Variants in ABCD2 observed in about 807,000 individuals in gnomAD.
ABCD2 encodes the protein ATP binding cassette subfamily D member 2, also known as ATP-binding cassette sub-family D member 2.
In ABCD2, 36 loss-of-function variants were observed where a neutral mutation model predicts 70.9. The ratio of observed to expected loss-of-function variants is 0.51; its 90% CI spans 0.39 to 0.67. ABCD2 has a LOEUF of 0.67. Among genes scored for constraint, ABCD2 ranks in the 30% least tolerant of loss-of-function variants. The pLI, the probability that ABCD2 is intolerant of heterozygous loss-of-function variation, is 0.00. For synonymous variants in ABCD2, 304 were observed against 306.9 expected, an observed-to-expected ratio of 0.99 and a Z score of 0.10; for missense variants, 729 against 890.2, an observed-to-expected ratio of 0.82 and a Z score of 2.30.
chr12:39,555,161 A>G (rs1237753066), intron 9 of ABCD2, among the ~76,000 whole-genome samples: 1 of 152,090 alleles, frequency 6.6e-6, no homozygotes, highest in Non-Finnish European at 1.5e-5. Flanking sequence ...TTCAACCCCA[A>G]AAGAAACCCA....
intron 6 of ABCD2, among the ~76,000 whole-genome samples, chr12:39,590,756 A>T (rs1445827890): frequency 1.4e-5 from 2 of 145,558 alleles, no homozygotes; most frequent in Non-Finnish European, 3.0e-5. Flanking sequence ...TCTGACAGTG[A>T]TTTTTTTTTT....
intron 5 of ABCD2, 40 bp downstream of exon 5, chr12:39,603,872 G>T: frequency 1.4e-6 from 2 of 1,430,782 alleles, no homozygotes; most frequent in Non-Finnish European, 2.0e-6. Flanking sequence ...TTGTATTAGT[G>T]TGATGGCAAC....
chr12:39,553,940 G>T lies in ABCD2; in HGVS notation c.2195C>A (p.Thr732Lys), dbSNP rs1314018240. The T allele has an allele frequency of 1.2e-6, 2 of 1,610,834 alleles. No individual in the cohort carries two copies. Among genetic ancestry groups the T allele is most frequent in the South Asian group, 2.2e-5 (2 of 90,660 alleles). ...AGATGTCTCATCTTCATTTTTAATT[G>T]TTTTCAGCACTGAGTCTTCTCCCAA... is the stretch of plus-strand genomic sequence containing the variant. ...KILGEDSVLK[T>K]IKNEDETS The change falls in exon 10 of 10, where the codon ACA (threonine) becomes AAA (lysine). Residue 732 changes from threonine to lysine, a missense_variant. By Grantham distance (78) the Thr-to-Lys change is moderately conservative (BLOSUM62 -1). Transcript: ENST00000308666.
At chr12:39,540,347 A>G in the ABCD2 span, among the ~76,000 whole-genome samples, 3 of 152,146 alleles carry the variant, frequency 2.0e-5, no homozygotes, top group Admixed American at 6.6e-5. Context: ...TTCTCATCAG[A>G]TGGGTTTTAT....
intron 2 of ABCD2, among the ~76,000 whole-genome samples, chr12:39,609,836 C>A (rs576631503): frequency 6.6e-6 from 1 of 152,060 alleles, no homozygotes; most frequent in African/African-American, 2.4e-5. Flanking sequence ...TAAAATTCAC[C>A]CAGCATGTAT....
In ABCD2 at chr12:39,552,046, C is replaced by T. The variant is rs928941031; in HGVS notation, c.*1866G>A. 6.6e-6 allele frequency: 1 copy of T among 151,526 alleles called. No homozygotes were observed. Among genetic ancestry groups the T allele is most frequent in the Non-Finnish European group, 1.5e-5 (1 of 67,714 alleles). 9.4% of individuals were successfully genotyped at this position (151,526 alleles called of 1,614,324 possible). A position where few individuals can be genotyped will look rare whatever the true frequency, so the allele number is the denominator to read the frequency against. On this transcript the variant is annotated 3_prime_UTR_variant, in exon 10 of 10. Transcript: ENST00000308666. ...AGCAAGTTTAAGTTTTGGTTCCATGCTTCTTAAAAAAAAATCTTTAATTCC... is the reference window on the plus strand; with the variant it reads ...AGCAAGTTTAAGTTTTGGTTCCATGTTTCTTAAAAAAAAATCTTTAATTCC...
At chr12:39,573,639 G>T in intron 9 of ABCD2, 77 bp downstream of exon 9, 1 of 1,529,838 alleles carries the variant, frequency 6.5e-7, no homozygotes, top group South Asian at 1.3e-5. Context: ...CCTCTACTGT[G>T]AAAAATTTAG....
At chr12:39,579,682 C>T in intron 7 of ABCD2, 63 bp from the exon 8 acceptor site, 3 of 1,286,268 alleles carry the variant, frequency 2.3e-6, no homozygotes, top group Middle Eastern at 1.9e-4. Flanking sequence ...CTATTTCTAC[C>T]CTAGACAAGT....
chr12:39,563,313 C>G (rs935081148), intron 9 of ABCD2, among the ~76,000 whole-genome samples: 2 of 152,016 alleles, frequency 1.3e-5, no homozygotes, highest in Non-Finnish European at 2.9e-5. Flanking sequence ...ATCACTTGAT[C>G]CTAGGGGTTT....
chr12:39,618,171 C>T (rs1942142613), intron 1 of ABCD2, among the ~76,000 whole-genome samples: 1 of 151,964 alleles, frequency 6.6e-6, no homozygotes, highest in African/African-American at 2.4e-5. Flanking sequence ...GGGGATGCTC[C>T]ATATTGATCA....
chr12:39,564,198 G>A (rs374756568), intron 9 of ABCD2, among the ~76,000 whole-genome samples: 3 of 152,114 alleles, frequency 2.0e-5, no homozygotes, highest in South Asian at 2.1e-4. Context: ...CTGAGGAATC[G>A]CCACACTGAC....
intron 3 of ABCD2, among the ~76,000 whole-genome samples, chr12:39,606,181 C>G (rs1293261438): frequency 6.6e-6 from 1 of 152,052 alleles, no homozygotes; most frequent in Non-Finnish European, 1.5e-5. Flanking sequence ...GTCAGTGGAT[C>G]AGGATGGAAT....
At chr12:39,598,690 C>A (rs1941854672) in intron 6 of ABCD2, among the ~76,000 whole-genome samples, 1 of 152,062 alleles carries the variant, frequency 6.6e-6, no homozygotes, top group Admixed American at 6.6e-5. Flanking sequence ...ATGAGCCACC[C>A]CACCCAGCCA....
intron 9 of ABCD2, among the ~76,000 whole-genome samples, chr12:39,564,282 A>G (rs1243718666): frequency 2.0e-5 from 3 of 152,174 alleles, no homozygotes; most frequent in African/African-American, 7.2e-5. Context: ...CATCCTCTCC[A>G]GCACCTGTTG....
Position 39,600,566 on chromosome 12 carries a change from C to T in ABCD2, c.1646+5G>A, listed in dbSNP as rs199994997. 2 of 1,571,922 alleles carry T rather than the reference C, an allele frequency of 1.3e-6. No homozygotes were observed. The highest frequency in any genetic ancestry group is 8.6e-7 in the Non-Finnish European group (1 of 1,161,494). ...GTTTCTTGTAATATAAAAAGATATA[C>T]CTACCTTTGTGGAATATAAAACATA... On this transcript the variant is annotated splice_donor_5th_base_variant and intron_variant, in intron 6 of 9. Transcript: ENST00000308666.
In ABCD2 at chr12:39,619,648, AT is replaced by A; in HGVS notation, c.-34del. The A allele has an allele frequency of 6.4e-7, 1 of 1,573,708 alleles. No homozygotes were observed. The highest frequency in any genetic ancestry group is 8.6e-7 in the Non-Finnish European group (1 of 1,161,416). On this transcript the variant is annotated 5_prime_UTR_variant, in exon 1 of 10. Coordinates refer to ENST00000308666, the MANE Select transcript of ABCD2 (RefSeq NM_005164.4). ...GTTACCCAAACCGGCTTCCAAAAGA[AT>A]TCGTTTTAAAAGATCATGCTTCACA...
chr12:39,608,539 T>A (rs1310530249), intron 2 of ABCD2, among the ~76,000 whole-genome samples: 4 of 151,794 alleles, frequency 2.6e-5, no homozygotes, highest in Admixed American at 6.6e-5. Flanking sequence ...AAAACGAAGA[T>A]TAGCCGGGCA....
chr12:39,547,013 T>A (rs111589649), downstream of ABCD2, among the ~76,000 whole-genome samples: 63 of 151,654 alleles, frequency 4.2e-4, no homozygotes, highest in Admixed American at 1.7e-3. Flanking sequence ...AATTAAAAAA[T>A]TTTTTTTTCA....
chr12:39,564,807 T>A (rs1941318168), intron 9 of ABCD2, among the ~76,000 whole-genome samples: 1 of 152,324 alleles, frequency 6.6e-6, no homozygotes, highest in South Asian at 2.1e-4. Context: ...AATTTTTGTA[T>A]AAGGTGTAAG....
Sources: gnomAD v4.1 joint callset for allele counts (sites outside exome capture counted in the v4.1 genomes callset) on GRCh38, gnomAD v4.1.1 for gene constraint, MANE v1.5 for transcripts, NCBI Gene and HGNC (gene_info 2026-07-23, HGNC 2026-07-21) for gene names.